The following WDFY4 variants were observed in gnomAD, a reference collection of about 807,000 sequenced individuals.
WDFY4 encodes WD repeat- and FYVE domain-containing protein 4.
A neutral mutation model predicts 351.9 loss-of-function variants in WDFY4; 169 were observed. The ratio of observed to expected loss-of-function variants is 0.48; its 90% CI spans 0.42 to 0.55. The LOEUF (loss-of-function observed/expected upper bound fraction) is 0.55. Among genes scored for constraint, WDFY4 ranks in the 20% least tolerant of loss-of-function variants. WDFY4 has a pLI of 0.00. For synonymous variants in WDFY4, 1,622 were observed against 1,574.6 expected (o/e 1.03, Z -0.71); for missense variants, 3,803 against 3,935.6 (o/e 0.97, Z 0.90).
intron 43 of WDFY4, among the ~76,000 whole-genome samples, chr10:48,887,808 T>G (rs2070528701): frequency 6.6e-6 from 1 of 151,688 alleles, no homozygotes; most frequent in South Asian, 2.1e-4. Flanking sequence ...ATGCTTCAGA[T>G]TTACTTGTGT....
At chr10:48,814,302 G>A (rs1418201680) in intron 31 of WDFY4, among the ~76,000 whole-genome samples, 2 of 152,218 alleles carry the variant, frequency 1.3e-5, no homozygotes, top group African/African-American at 2.4e-5. Context: ...GGTGATACCT[G>A]TTTATCATTT....
Position 48,810,626 on chromosome 10 carries a change from G to A in WDFY4, c.4935G>A (p.Lys1645=). The A allele has an allele frequency of 6.4e-7, 1 of 1,551,632 alleles. No homozygotes were observed. Among genetic ancestry groups the A allele is most frequent in the South Asian group, 1.2e-5 (1 of 84,056 alleles). ...LHASTTVLAL[K]LLLYFLASPS... ...CCAGCACCACTGTGCTGGCATTGAA[G>A]CTGCTGCTGTACTTTCTGGCAAGCC... Residue 1645 remains lysine (K), a synonymous_variant, in exon 29 of 62, where the codon AAG becomes AAA. Coordinates refer to ENST00000325239, the MANE Select transcript of WDFY4 (RefSeq NM_001394531.1).
chr10:48,877,289 A>G (rs1031376794), intron 43 of WDFY4, 90 bp downstream of exon 43: 41 of 1,192,222 alleles, frequency 3.4e-5, no homozygotes, highest in Admixed American at 2.4e-4. Flanking sequence ...CGCCACTTAC[A>G]TGGGGAATGA....
At chr10:48,938,421 C>A (rs536535291) in intron 47 of WDFY4, among the ~76,000 whole-genome samples, 18 of 152,370 alleles carry the variant, frequency 1.2e-4, no homozygotes, top group African/African-American at 3.8e-4. Context: ...CGGCTGAGAG[C>A]CTTTGGTCTG....
chr10:48,790,672 C>T, intron 22 of WDFY4, 55 bp from the exon 23 acceptor site: 1 of 1,524,582 alleles, frequency 6.6e-7, no homozygotes, highest in Non-Finnish European at 8.8e-7. Context: ...CGGGGAATTT[C>T]CCATTGCAAT....
At position 48,787,807 on chromosome 10, in the gene WDFY4, C is replaced by CTTCTCT. The variant is rs1555010320; in HGVS notation, c.3809-722_3809-721insTCTCTT. Among the ~76,000 whole-genome samples the CTTCTCT allele has an allele frequency of 1.6e-4, 12 of 76,742 alleles. 2 individuals carry two copies. In the South Asian group the frequency reaches 5.5e-3, roughly 35 times the overall value. 50.3% of individuals were successfully genotyped at this position (76,742 alleles called of 152,430 possible). Reference sequence around the variant, plus strand: ...CCTCTTCCTCCTCCTCCTCCTCCTCCTCTTCTTCTTCTTCTTCTTCTTCTT... The same window carrying CTTCTCT: ...CCTCTTCCTCCTCCTCCTCCTCCTCCTTCTCTTCTTCTTCTTCTTCTTCTTCTTCTT... On this transcript the variant is annotated intron_variant, in intron 20 of 61. Transcript: ENST00000325239.
chr10:48,727,486 G>T lies in WDFY4; in HGVS notation c.798G>T (p.Arg266Ser). Residue 266 changes from arginine to serine, a missense_variant, in exon 7 of 62, where the codon AGG (arginine) becomes AGT (serine). By Grantham distance (110) the Arg-to-Ser change is moderately radical. Around this residue, in one of 3 missense-constraint regions of WDFY4, gnomAD observed 488 missense variants for 456.8 expected, o/e 1.07. Transcript: ENST00000325239. ...CTCCTGCAGCCACAGACTGTGTCAGGCTCTCCCTCCAGAACCTCTCCAGGC... is the reference window on the plus strand; with the variant it reads ...CTCCTGCAGCCACAGACTGTGTCAGTCTCTCCCTCCAGAACCTCTCCAGGC... ...IQYLQATDCVRLSLQNLSRLT... is the reference protein window; with the variant it reads ...IQYLQATDCVSLSLQNLSRLT... 3.2e-6 allele frequency: 5 copies of T among 1,551,674 alleles called. No individual in the cohort carries two copies. Among genetic ancestry groups the T allele is most frequent in the East Asian group, 2.4e-5 (1 of 40,920 alleles).
In WDFY4 at chr10:48,774,470, A is replaced by T; in HGVS notation, c.2566A>T (p.Ile856Phe). 3 of 1,551,692 alleles carry T rather than the reference A, an allele frequency of 1.9e-6. No individual in the cohort carries two copies. Among genetic ancestry groups the T allele is most frequent in the Non-Finnish European group, 2.6e-6 (3 of 1,146,998 alleles). Residue 856 changes from isoleucine to phenylalanine, a missense_variant, in exon 14 of 62, where the codon ATC (isoleucine) becomes TTC (phenylalanine). Physicochemically the swap from Ile to Phe is conservative, Grantham distance 21 (BLOSUM62 0). Around this residue, in one of 3 missense-constraint regions of WDFY4, gnomAD observed 3,054 missense variants for 3,148.6 expected, o/e 0.97. Transcript: ENST00000325239. ...HEDHPQLSEEIQCSLASHIQS... is the reference protein window; with the variant it reads ...HEDHPQLSEEFQCSLASHIQS... ...TGGTCACTCTTAGCTTTCCGAGGAG[A>T]TCCAGTGCTCCCTGGCCAGTCATAT...
intron 57 of WDFY4, among the ~76,000 whole-genome samples, chr10:48,971,339 A>G (rs1842327470): frequency 6.6e-6 from 1 of 152,136 alleles, no homozygotes; most frequent in Admixed American, 6.5e-5. Context: ...TACTAAAAAT[A>G]CAACAGATTA....
intron 47 of WDFY4, among the ~76,000 whole-genome samples, chr10:48,934,188 C>G (rs980333785): frequency 6.6e-6 from 1 of 152,206 alleles, no homozygotes; most frequent in Non-Finnish European, 1.5e-5. Flanking sequence ...TTGTTCCATA[C>G]TTGGTTCACA....
chr10:48,872,920 A>G (rs948490649), intron 40 of WDFY4, among the ~76,000 whole-genome samples: 4 of 152,228 alleles, frequency 2.6e-5, no homozygotes, highest in African/African-American at 9.6e-5. Flanking sequence ...GCCCTTAGAC[A>G]TCATTCAGGC....
At chr10:48,956,498 T>G (rs749508176) in intron 51 of WDFY4, among the ~76,000 whole-genome samples, 8 of 152,082 alleles carry the variant, frequency 5.3e-5, no homozygotes, top group Non-Finnish European at 1.2e-4. Flanking sequence ...CGAGCTCTCC[T>G]CCCTCCTCCC....
Position 48,779,942 on chromosome 10 carries a change from T to A in WDFY4, c.3399T>A (p.Asp1133Glu), listed in dbSNP as rs745923813. The A allele has an allele frequency of 6.4e-6, 10 of 1,551,468 alleles. No homozygotes were observed. Among genetic ancestry groups the A allele is most frequent in the Non-Finnish European group, 7.8e-6 (9 of 1,146,992 alleles). ...STEEKEFQPL[D>E]VMEPEDDSEP... ...CTCAGTGTTCATGCTGTCTTCCAGATGTCATGGAACCTGAGGATGACTCCG... is the reference window on the plus strand; with the variant it reads ...CTCAGTGTTCATGCTGTCTTCCAGAAGTCATGGAACCTGAGGATGACTCCG... Residue 1133 changes from aspartate (D) to glutamate (E), a missense_variant and splice_region_variant, in exon 19 of 62, where the codon GAT (aspartate) becomes GAA (glutamate). Around this residue, in one of 3 missense-constraint regions of WDFY4, gnomAD observed 3,054 missense variants for 3,148.6 expected, o/e 0.97. Coordinates refer to ENST00000325239, the MANE Select transcript of WDFY4 (RefSeq NM_001394531.1).
chr10:48,944,405 C>T (rs1165413343), intron 49 of WDFY4, among the ~76,000 whole-genome samples: 1 of 152,216 alleles, frequency 6.6e-6, no homozygotes, highest in African/African-American at 2.4e-5. Flanking sequence ...ACAGCTGGAC[C>T]AGGGTGATTT....
chr10:48,948,337 CA>C (rs1355648179), intron 51 of WDFY4, among the ~76,000 whole-genome samples: 1 of 152,212 alleles, frequency 6.6e-6, no homozygotes, highest in Non-Finnish European at 1.5e-5. Flanking sequence ...AGCTGCACCC[CA>C]TGCCAGGAAT....
chr10:48,770,899 C>T lies in WDFY4; in HGVS notation c.2554-3559C>T, dbSNP rs948148120. 3.3e-5 allele frequency among the ~76,000 whole-genome samples: 5 copies of T among 152,220 alleles called. No individual in the cohort carries two copies. In the East Asian group the frequency reaches 9.6e-4, roughly 29 times the overall value. ...TGACATCATGTGCTCAGGAAAACAGCAATGCTGGCAAATGGTCACATTTCA... is the reference window on the plus strand; with the variant it reads ...TGACATCATGTGCTCAGGAAAACAGTAATGCTGGCAAATGGTCACATTTCA... On this transcript the variant is annotated intron_variant, in intron 13 of 61. Transcript: ENST00000325239.
chr10:48,772,517 C>CTTTTTTTTTTTTTTTTTTTTTGTTTTTT (rs10672319), intron 13 of WDFY4, among the ~76,000 whole-genome samples: 1 of 70,650 alleles, frequency 1.4e-5, no homozygotes, highest in Non-Finnish European at 2.7e-5. Flanking sequence ...GAGGGCAGTT[C>CTTTTTTTTTTTTTTTTTTTTTGTTTTTT]TTTTTTTTTT....
At chr10:48,912,305 G>A (rs144988237) in intron 47 of WDFY4, among the ~76,000 whole-genome samples, 267 of 152,326 alleles carry the variant, frequency 1.8e-3, no homozygotes, top group Middle Eastern at 0.01. Context: ...TTCTCCATGT[G>A]CTGCCTGTTT....
At chr10:48,965,774 A>ATATCAGTTAGACATAGATTATATCTG (rs1842047422) in intron 54 of WDFY4, among the ~76,000 whole-genome samples, 1 of 141,426 alleles carries the variant, frequency 7.1e-6, no homozygotes, top group East Asian at 2.1e-4. Flanking sequence ...ACTTATATCT[A>ATATCAGTTAGACATAGATTATATCTG]TATCAGTTAG....
Sources: allele counts gnomAD v4.1 joint callset (sites outside exome capture counted in the v4.1 genomes callset), GRCh38; gene constraint gnomAD v4.1.1; regional missense constraint gnomAD v4.1.1; transcripts MANE v1.5; gene names NCBI Gene and HGNC (gene_info 2026-07-23, HGNC 2026-07-21).